The following MET variants were observed in gnomAD, a reference collection of about 807,000 sequenced individuals.
MET encodes MET proto-oncogene, receptor tyrosine kinase, also known as hepatocyte growth factor receptor.
Under a neutral mutation model 133.1 loss-of-function variants are expected in MET, and 48 were observed. The ratio of observed to expected loss-of-function variants is 0.36; its 90% CI spans 0.29 to 0.46. The LOEUF (loss-of-function observed/expected upper bound fraction) is 0.46. Ranked by LOEUF, MET falls within the 20% of genes least tolerant of loss-of-function variation. The pLI is 1.00. For synonymous variants in MET, 628 were observed against 616.5 expected (o/e 1.02, Z -0.28); for missense variants, 1,442 against 1,695.9 (o/e 0.85, Z 2.63).
chr7:116,678,045 A>G (rs1345450709), intron 1 of MET, among the ~76,000 whole-genome samples: 3 of 151,922 alleles, frequency 2.0e-5, no homozygotes, highest in African/African-American at 7.3e-5. Flanking sequence ...CGTTGTTATT[A>G]CCCTGCCATT....
At position 116,782,068 on chromosome 7, in the gene MET, C is replaced by A. The variant is rs1484737027; in HGVS notation, c.3603C>A (p.Val1201=). 1.9e-6 allele frequency: 3 copies of A among 1,613,200 alleles called. No homozygotes were observed. The highest frequency in any genetic ancestry group is 2.7e-5 in the African/African-American group (2 of 74,898). Residue 1201 remains valine (V), a synonymous_variant, in exon 18 of 21, where the codon GTC becomes GTA. Transcript: ENST00000397752. ...GMKYLASKKF[V]HRDLAARNCM... is the part of the protein sequence containing the mutation. ...AATATCTTGCAAGCAAAAAGTTTGTCCACAGAGACTTGGCTGCAAGAAACT... is the reference window on the plus strand; with the variant it reads ...AATATCTTGCAAGCAAAAAGTTTGTACACAGAGACTTGGCTGCAAGAAACT...
chr7:116,716,475 AAGAAAG>A (rs1276324192), intron 2 of MET, among the ~76,000 whole-genome samples: 1 of 62,914 alleles, frequency 1.6e-5, no homozygotes, highest in African/African-American at 7.7e-5. Context: ...AAGAGAAAGA[AAGAAAG>A]AAAGAAAGAA....
At chr7:116,754,747 G>T (rs1387443154) in intron 5 of MET, among the ~76,000 whole-genome samples, 1 of 151,034 alleles carries the variant, frequency 6.6e-6, no homozygotes, top group Non-Finnish European at 1.5e-5. Flanking sequence ...AGCTCAAGAG[G>T]TTGAGGCTGC....
At chr7:116,790,334 A>T (rs370815263) in intron 19 of MET, among the ~76,000 whole-genome samples, 2 of 152,308 alleles carry the variant, frequency 1.3e-5, no homozygotes, top group Middle Eastern at 3.4e-3. Flanking sequence ...ACTACTTCAG[A>T]TACCTCATAT....
intron 12 of MET, among the ~76,000 whole-genome samples, chr7:116,770,885 C>T (rs1384463304): frequency 6.6e-6 from 1 of 151,998 alleles, no homozygotes. Flanking sequence ...TGGAAAAACA[C>T]ACAAAAATTA....
At chr7:116,705,684 T>G (rs938280490) in intron 2 of MET, among the ~76,000 whole-genome samples, 3 of 152,160 alleles carry the variant, frequency 2.0e-5, no homozygotes, top group Non-Finnish European at 4.4e-5. Context: ...GTATAAAGAT[T>G]CAATGTACTT....
At position 116,779,661 on chromosome 7, in the gene MET, A is replaced by T. The variant is rs571870925; in HGVS notation, c.3522+704A>T. Among the ~76,000 whole-genome samples, 61 of 152,270 alleles carry T rather than the reference A, an allele frequency of 4.0e-4. 1 individual carries two copies. Among genetic ancestry groups the T allele is most frequent in the African/African-American group, 1.4e-3 (58 of 41,556 alleles). On this transcript the variant is annotated intron_variant, in intron 17 of 20. Transcript: ENST00000397752. The stretch of plus-strand genomic sequence containing the variant: ...CATGAGCCACATGTAAAAGGAGGCT[A>T]GTTCGAACTGAAATGTGCTGTACGG...
intron 19 of MET, 127 bp from the exon 20 acceptor site, chr7:116,795,528 T>A (rs1795641082): frequency 1.6e-6 from 2 of 1,234,644 alleles, no homozygotes; most frequent in Non-Finnish European, 2.4e-6. Context: ...TTAAGAAAAT[T>A]GTTGCCCAAA....
chr7:116,698,511 A>G (rs181357178), intron 1 of MET, among the ~76,000 whole-genome samples: 118 of 152,310 alleles, frequency 7.7e-4, no homozygotes, highest in African/African-American at 2.5e-3. Flanking sequence ...ACAAAATCCT[A>G]TAAACAGCAT....
chr7:116,695,563 T>G (rs1032453528), intron 1 of MET, among the ~76,000 whole-genome samples: 9 of 152,208 alleles, frequency 5.9e-5, no homozygotes, highest in African/African-American at 2.2e-4. Flanking sequence ...GAGGGCTGAT[T>G]GTCTGACTTC....
At chr7:116,715,551 C>T (rs775248095) in intron 2 of MET, among the ~76,000 whole-genome samples, 13 of 151,662 alleles carry the variant, frequency 8.6e-5, no homozygotes, top group East Asian at 3.9e-4. Context: ...AATAAGGTCA[C>T]GATCTGACTT....
At chr7:116,748,432 A>G (rs980202629) in intron 5 of MET, among the ~76,000 whole-genome samples, 1 of 152,224 alleles carries the variant, frequency 6.6e-6, no homozygotes, top group African/African-American at 2.4e-5. Context: ...AAGAACAAAG[A>G]CAAAGACACA....
At chr7:116,783,565 A>G (rs1444552480) in intron 19 of MET, 96 bp downstream of exon 19, 7 of 1,264,268 alleles carry the variant, frequency 5.5e-6, no homozygotes, top group African/African-American at 4.5e-5. Flanking sequence ...AAAAAATTCA[A>G]CACCACCAAT....
intron 17 of MET, 106 bp downstream of exon 17, chr7:116,779,063 A>G: frequency 8.8e-7 from 1 of 1,137,762 alleles, no homozygotes; most frequent in Non-Finnish European, 1.3e-6. Context: ...CCAAAGATGC[A>G]CATTTAAAAT....
At position 116,797,939 on chromosome 7, in the gene MET, C is replaced by A. The variant is rs1345075643; in HGVS notation, c.*1815C>A. On this transcript the variant is annotated 3_prime_UTR_variant, in exon 21 of 21. Transcript: ENST00000397752. ...TAAAAGCTCTCTGATAGTGCAGAGA[C>A]TTACCAGAAGACACAAGGAATTGTA... 1.4e-5 allele frequency: 3 copies of A among 221,538 alleles called. No individual in the cohort carries two copies. The highest frequency in any genetic ancestry group is 2.7e-5 in the Non-Finnish European group (3 of 110,632). The allele number at this position is 221,538 out of a possible 1,614,324, so 13.7% of individuals were successfully genotyped here. A position where few individuals can be genotyped will look rare whatever the true frequency, so the allele number is the denominator to read the frequency against.
intron 19 of MET, among the ~76,000 whole-genome samples, chr7:116,790,698 C>T (rs1226845463): frequency 6.6e-6 from 1 of 152,140 alleles, no homozygotes; most frequent in African/African-American, 2.4e-5. Context: ...CTGTTTTCCA[C>T]AGCAGAGTAG....
At chr7:116,778,057 A>G (rs1795047552) in intron 16 of MET, among the ~76,000 whole-genome samples, 1 of 152,220 alleles carries the variant, frequency 6.6e-6, no homozygotes, top group African/African-American at 2.4e-5. Flanking sequence ...TTTAGCTGTT[A>G]TTGAGAAAAT....
chr7:116,672,843 A>T (rs1796022892), intron 1 of MET, among the ~76,000 whole-genome samples: 1 of 152,088 alleles, frequency 6.6e-6, no homozygotes, highest in Non-Finnish European at 1.5e-5. Flanking sequence ...GTGATGTGTG[A>T]CTGTTACGGC....
chr7:116,728,560 C>A (rs1298193450), intron 2 of MET, among the ~76,000 whole-genome samples: 4 of 152,160 alleles, frequency 2.6e-5, no homozygotes, highest in African/African-American at 9.7e-5. Context: ...TCTGAGGAGA[C>A]CCTTAGTTTC....
Sources: allele counts gnomAD v4.1 joint callset (sites outside exome capture counted in the v4.1 genomes callset), GRCh38; gene constraint gnomAD v4.1.1; transcripts MANE v1.5; gene names NCBI Gene and HGNC (gene_info 2026-07-23, HGNC 2026-07-21).